BCAS3: variants seen among roughly 807,000 people sequenced by gnomAD.
BCAS3 encodes BCAS3 microtubule associated cell migration factor.
Under a neutral mutation model 116.1 loss-of-function variants are expected in BCAS3, and 53 were observed. That is an observed-to-expected ratio of 0.46 (90% CI 0.37 to 0.57). BCAS3 has a LOEUF of 0.57. Among genes scored for constraint, BCAS3 ranks in the 20% least tolerant of loss-of-function variants. BCAS3 has a pLI of 0.00. For missense variants in BCAS3, 917 were observed against 1,165.4 expected (o/e 0.79, Z 3.10); for synonymous variants, 391 against 408.2 (o/e 0.96, Z 0.51).
intron 22 of BCAS3, among the ~76,000 whole-genome samples, chr17:61,168,298 A>G (rs1448108607): frequency 6.6e-6 from 1 of 151,986 alleles, no homozygotes; most frequent in African/African-American, 2.4e-5. Context: ...ATTTATATCT[A>G]TCATGCGGAC....
chr17:60,732,276 A>G (rs1473514793), intron 5 of BCAS3, among the ~76,000 whole-genome samples: 8 of 152,178 alleles, frequency 5.3e-5, no homozygotes, highest in African/African-American at 1.9e-4. Flanking sequence ...CCATATGGTT[A>G]GTACATGTGA....
intron 22 of BCAS3, among the ~76,000 whole-genome samples, chr17:61,133,060 A>G (rs941668855): frequency 6.6e-5 from 10 of 152,234 alleles, no homozygotes; most frequent in African/African-American, 2.4e-4. Context: ...TAAAAAAGGT[A>G]TAACCATTAG....
Position 61,205,418 on chromosome 17 carries a change from A to C in BCAS3, c.2425+120854A>C, listed in dbSNP as rs1162758038. Among the ~76,000 whole-genome samples the C allele has an allele frequency of 6.6e-6, 1 of 152,214 alleles. No homozygotes were observed. The highest frequency in any genetic ancestry group is 1.5e-5 in the Non-Finnish European group (1 of 68,046). ...GAATGAGGTATTTTCATTTCTGCATACTTCTAATTCTACAAGAAAGATAGC... is the reference window on the plus strand; with the variant it reads ...GAATGAGGTATTTTCATTTCTGCATCCTTCTAATTCTACAAGAAAGATAGC... On this transcript the variant is annotated intron_variant, in intron 22 of 23. Transcript: ENST00000407086. This position sits in a 1 kb window ranked among gnomAD's most constrained non-coding sequence, Gnocchi z 5.2.
rs1407445515 is a variant in BCAS3 at position 61,131,069 on chromosome 17, A to G, written c.2425+46505A>G. On this transcript the variant is annotated intron_variant, in intron 22 of 23. Coordinates refer to ENST00000407086, the MANE Select transcript of BCAS3 (RefSeq NM_017679.5). The surrounding 1 kb of genome is among the most constrained non-coding windows in gnomAD (Gnocchi z 4.4). ...AGACTCTGTCTCAAAAAGGGGGAAA[A>G]AAAAAGATGTTGGAGACCTAGGTTC... Among the ~76,000 whole-genome samples, 3 of 152,142 alleles carry G rather than the reference A, an allele frequency of 2.0e-5. No homozygotes were observed. The highest frequency in any genetic ancestry group is 2.0e-4 in the Admixed American group (3 of 15,278).
chr17:60,751,459 G>A (rs986411374), intron 6 of BCAS3, among the ~76,000 whole-genome samples: 1 of 151,592 alleles, frequency 6.6e-6, no homozygotes, highest in Non-Finnish European at 1.5e-5. Flanking sequence ...AAATGTATCA[G>A]TATGTATATT....
intron 22 of BCAS3, among the ~76,000 whole-genome samples, chr17:61,308,600 G>C (rs78313104): frequency 0.02 from 3,017 of 152,146 alleles, 68 homozygotes; most frequent in African/African-American, 0.053. Context: ...AAAGTGCCTT[G>C]AAACGATGAG....
intron 22 of BCAS3, among the ~76,000 whole-genome samples, chr17:61,129,299 G>A (rs1442164413): frequency 1.3e-5 from 2 of 152,166 alleles, no homozygotes; most frequent in East Asian, 3.8e-4. Flanking sequence ...GTTGTTGTTT[G>A]TTTGTAAAAC....
chr17:60,691,970 A>G (rs1568025652), intron 4 of BCAS3, among the ~76,000 whole-genome samples: 1 of 151,956 alleles, frequency 6.6e-6, no homozygotes, highest in Non-Finnish European at 1.5e-5. Flanking sequence ...TAGAAGCAGT[A>G]AAGCCCCACC....
chr17:61,246,439 ACC>A (rs1182637325), intron 22 of BCAS3, among the ~76,000 whole-genome samples: 2 of 142,422 alleles, frequency 1.4e-5, no homozygotes, highest in Non-Finnish European at 3.0e-5. Context: ...GCCACTGCAC[ACC>A]AGCCTGGGTA....
At chr17:60,852,859 G>A (rs1345009616) in intron 7 of BCAS3, among the ~76,000 whole-genome samples, 1 of 152,212 alleles carries the variant, frequency 6.6e-6, no homozygotes, top group African/African-American at 2.4e-5. Context: ...CTGCAAAATT[G>A]TACAGCTACT....
At chr17:61,182,864 G>A (rs375376665) in intron 22 of BCAS3, among the ~76,000 whole-genome samples, 3 of 152,318 alleles carry the variant, frequency 2.0e-5, no homozygotes, top group East Asian at 1.9e-4. Flanking sequence ...TCTTGTGGCC[G>A]TGGGCCCCTT....
chr17:60,947,967 T>A (rs1173862645), intron 14 of BCAS3, among the ~76,000 whole-genome samples: 1 of 152,158 alleles, frequency 6.6e-6, no homozygotes, highest in Non-Finnish European at 1.5e-5. Flanking sequence ...ATTTTAAACA[T>A]TTACCAGCAG....
At chr17:60,929,650 T>A (rs2059538487) in intron 13 of BCAS3, among the ~76,000 whole-genome samples, 1 of 151,406 alleles carries the variant, frequency 6.6e-6, no homozygotes, top group Non-Finnish European at 1.5e-5. Flanking sequence ...ACATGTGCCA[T>A]GCTGGTGTGC....
At position 61,324,847 on chromosome 17, in the gene BCAS3, A is replaced by T. The variant is rs2055598100; in HGVS notation, c.2426-43480A>T. Reference sequence around the variant, plus strand: ...GAAAAAAAAAAAAAAAGAAGAAACAAAAAAGAAGATGTAGACTGTGTGATC... The same window carrying T: ...GAAAAAAAAAAAAAAAGAAGAAACATAAAAGAAGATGTAGACTGTGTGATC... On this transcript the variant is annotated intron_variant, in intron 22 of 23. Coordinates refer to ENST00000407086, the MANE Select transcript of BCAS3 (RefSeq NM_017679.5). This position sits in a 1 kb window ranked among gnomAD's most constrained non-coding sequence, Gnocchi z 4.6. 6.6e-6 allele frequency among the ~76,000 whole-genome samples: 1 copy of T among 152,108 alleles called. No homozygotes were observed. The highest frequency in any genetic ancestry group is 2.1e-4 in the South Asian group (1 of 4,828).
At chr17:60,701,666 T>C (rs1291101626) in intron 4 of BCAS3, among the ~76,000 whole-genome samples, 1 of 151,990 alleles carries the variant, frequency 6.6e-6, no homozygotes, top group Non-Finnish European at 1.5e-5. Context: ...CTATAAAATA[T>C]ACACAAATCT....
chr17:61,273,708 G>A (rs1025259176), intron 22 of BCAS3, among the ~76,000 whole-genome samples: 1 of 147,806 alleles, frequency 6.8e-6, no homozygotes, highest in Admixed American at 6.7e-5. Flanking sequence ...TAATATTGTC[G>A]CATGGGTCAC....
At chr17:60,724,812 T>G (rs1297873032) in intron 5 of BCAS3, among the ~76,000 whole-genome samples, 1 of 151,720 alleles carries the variant, frequency 6.6e-6, no homozygotes, top group Non-Finnish European at 1.5e-5. Flanking sequence ...GCTTTGTATA[T>G]GTGTGGTATG....
chr17:60,969,512 G>T (rs1376193408), intron 14 of BCAS3, among the ~76,000 whole-genome samples: 1 of 152,000 alleles, frequency 6.6e-6, no homozygotes, highest in Non-Finnish European at 1.5e-5. Flanking sequence ...AACCAAATGA[G>T]TGAAAAAATA....
intron 19 of BCAS3, among the ~76,000 whole-genome samples, chr17:61,048,344 G>C (rs1194510900): frequency 6.6e-6 from 1 of 151,952 alleles, no homozygotes; most frequent in Non-Finnish European, 1.5e-5. Flanking sequence ...GGGAATGAAG[G>C]ACAATGATCC....
Sources: gnomAD v4.1 joint callset for allele counts (sites outside exome capture counted in the v4.1 genomes callset) on GRCh38, gnomAD v4.1.1 for gene constraint, Gnocchi (gnomAD v3.1) non-coding constraint, MANE v1.5 for transcripts, NCBI Gene and HGNC (gene_info 2026-07-23, HGNC 2026-07-21) for gene names.